EPHA7: variants seen among roughly 807,000 people sequenced by gnomAD.
EPHA7 encodes ephrin type-A receptor 7.
Under a neutral mutation model 112.6 loss-of-function variants are expected in EPHA7, and 25 were observed. The observed-to-expected ratio is 0.22, with a 90% CI of 0.16 to 0.31. EPHA7 has a LOEUF of 0.31. EPHA7 is among the 10% of genes least tolerant of loss of function. The pLI is 1.00. For missense variants in EPHA7, 962 were observed against 1,212.6 expected (o/e 0.79, Z 3.07); for synonymous variants, 437 against 406.5 (o/e 1.07, Z -0.90).
intron 5 of EPHA7, among the ~76,000 whole-genome samples, chr6:93,273,203 T>C (rs1771312620): frequency 6.6e-6 from 1 of 151,968 alleles, no homozygotes; most frequent in African/African-American, 2.4e-5. Context: ...GGTAGCTAAG[T>C]CTGTGGAATG....
intron 5 of EPHA7, among the ~76,000 whole-genome samples, chr6:93,323,444 C>T (rs907960769): frequency 2.6e-5 from 4 of 151,384 alleles, no homozygotes; most frequent in Non-Finnish European, 5.9e-5. Context: ...AATAATGATA[C>T]CAAATATACA....
chr6:93,258,422 T>G (rs887790730), intron 10 of EPHA7, 138 bp from the exon 11 acceptor site: 1 of 934,074 alleles, frequency 1.1e-6, no homozygotes, highest in Non-Finnish European at 1.6e-6. Context: ...CAAAAATACT[T>G]GGTAAAGCCC....
chr6:93,272,201 C>A, intron 6 of EPHA7, 97 bp downstream of exon 6: 1 of 1,407,514 alleles, frequency 7.1e-7, no homozygotes. Flanking sequence ...GAAGTAGCTC[C>A]AAATTGTTGG....
At chr6:93,341,930 GCATA>G (rs1165299394) in intron 5 of EPHA7, among the ~76,000 whole-genome samples, 1 of 151,572 alleles carries the variant, frequency 6.6e-6, no homozygotes, top group Non-Finnish European at 1.5e-5. Context: ...AAATTCATAG[GCATA>G]CTTTCAAGAT....
intron 3 of EPHA7, among the ~76,000 whole-genome samples, chr6:93,392,337 T>G (rs1434426182): frequency 6.6e-6 from 1 of 151,924 alleles, no homozygotes; most frequent in Non-Finnish European, 1.5e-5. Context: ...GATGGTTACC[T>G]TTTCAGTTGT....
rs139612242 is a variant in EPHA7 at position 93,408,363 on chromosome 6, C to T, written c.832+2138G>A. Among the ~76,000 whole-genome samples the T allele has an allele frequency of 2.5e-3, 373 of 152,168 alleles. 1 individual carries two copies. The highest frequency in any genetic ancestry group is 8.5e-3 in the African/African-American group (353 of 41,536). On this transcript the variant is annotated intron_variant, in intron 3 of 16. Transcript: ENST00000369303. ...ACTGTTAACCTCCTGTCAACAGGAA[C>T]GCTGCCTTTCATTGAATTGATTAGT...
intron 5 of EPHA7, among the ~76,000 whole-genome samples, chr6:93,311,795 T>A (rs1773555193): frequency 1.3e-5 from 2 of 152,216 alleles, no homozygotes; most frequent in South Asian, 2.1e-4. Flanking sequence ...TTAGGAAATG[T>A]ATTTATTAAA....
intron 10 of EPHA7, among the ~76,000 whole-genome samples, 192 bp downstream of exon 10, chr6:93,259,160 CTT>C (rs1476900564): frequency 6.6e-6 from 1 of 151,952 alleles, no homozygotes; most frequent in Non-Finnish European, 1.5e-5. Context: ...TATATGGATT[CTT>C]TGTGCCACAT....
chr6:93,251,597 T>C (rs1275019031), intron 14 of EPHA7, among the ~76,000 whole-genome samples: 1 of 141,388 alleles, frequency 7.1e-6, no homozygotes, highest in East Asian at 2.1e-4. Context: ...AAAATACTAA[T>C]GTAAGAAAAA....
chr6:93,327,631 A>C (rs527689143), intron 5 of EPHA7, among the ~76,000 whole-genome samples: 3 of 151,418 alleles, frequency 2.0e-5, no homozygotes, highest in African/African-American at 7.3e-5. Flanking sequence ...TAAAATACTC[A>C]AGGCTTCCCT....
chr6:93,395,575 TCACACACACA>T lies in EPHA7; in HGVS notation c.832+14916_832+14925del, dbSNP rs4053540. 2.7e-3 allele frequency among the ~76,000 whole-genome samples: 393 copies of T among 145,526 alleles called. 1 individual carries two copies. Among genetic ancestry groups the T allele is most frequent in the Middle Eastern group, 0.018 (5 of 282 alleles). On this transcript the variant is annotated intron_variant, in intron 3 of 16. Coordinates refer to ENST00000369303, the MANE Select transcript of EPHA7 (RefSeq NM_004440.4). ...GGATAAGGATATATCTTTACTTATT[TCACACACACA>T]CACACACACACACACACACACACAC...
At chr6:93,357,138 G>A in intron 4 of EPHA7, 86 bp from the exon 5 acceptor site, 2 of 1,064,082 alleles carry the variant, frequency 1.9e-6, no homozygotes, top group Non-Finnish European at 2.6e-6. Flanking sequence ...TCTGTGTGGG[G>A]CATTAAGCTA....
chr6:93,260,575 G>A (rs1216527484), intron 9 of EPHA7: 1 of 960,364 alleles, frequency 1.0e-6, no homozygotes, highest in Non-Finnish European at 1.2e-6. Context: ...ATATTACACT[G>A]CAGCCTAACT....
intron 5 of EPHA7, among the ~76,000 whole-genome samples, chr6:93,337,689 T>G (rs955152919): frequency 1.3e-5 from 2 of 152,132 alleles, no homozygotes; most frequent in African/African-American, 4.8e-5. Context: ...CAGACAAGCC[T>G]GTTGTTCTCA....
chr6:93,321,483 A>G (rs1434597417), intron 5 of EPHA7, among the ~76,000 whole-genome samples: 1 of 151,914 alleles, frequency 6.6e-6, no homozygotes, highest in Non-Finnish European at 1.5e-5. Context: ...GAGCTCACTA[A>G]TTAGTGCTCT....
At position 93,269,652 on chromosome 6, in the gene EPHA7, C is replaced by T. The variant is rs1178361521; in HGVS notation, c.1458G>A (p.Arg486=). 2.6e-6 allele frequency: 4 copies of T among 1,521,692 alleles called. No homozygotes were observed. The highest frequency in any genetic ancestry group is 1.4e-5 in the African/African-American group (1 of 69,830). 94.3% of individuals were successfully genotyped at this position (1,521,692 alleles called of 1,614,324 possible). A position where few individuals can be genotyped will look rare whatever the true frequency, so the allele number is the denominator to read the frequency against. Residue 486 remains arginine (R), a synonymous_variant, in exon 7 of 17, where the codon AGG becomes AGA. Transcript: ENST00000369303. ...TTTTTACTGTTGAGTAGGTCCGTTC[C>T]CTTTGATCCTAGAAACAATATTTAG... is the stretch of plus-strand genomic sequence containing the variant. ...YEIKYYEKDQ[R]ERTYSTVKTK...
chr6:93,408,978 TCTTTTTTTTTTC>T (rs1038800603), intron 3 of EPHA7, among the ~76,000 whole-genome samples: 7 of 37,952 alleles, frequency 1.8e-4, no homozygotes, highest in African/African-American at 8.4e-4. Flanking sequence ...TACTTTTTTT[TCTTTTTTTTTTC>T]TTGCAGTACA....
intron 3 of EPHA7, among the ~76,000 whole-genome samples, chr6:93,380,973 C>A (rs990183557): frequency 6.6e-6 from 1 of 152,112 alleles, no homozygotes; most frequent in Non-Finnish European, 1.5e-5. Flanking sequence ...GCTCTGCAGA[C>A]GGTGACTGCC....
intron 5 of EPHA7, among the ~76,000 whole-genome samples, chr6:93,297,284 T>G (rs1023248100): frequency 6.6e-6 from 1 of 152,050 alleles, no homozygotes; most frequent in Non-Finnish European, 1.5e-5. Context: ...TCACCAAACT[T>G]GTAACATTAA....
Sources: allele counts gnomAD v4.1 joint callset (sites outside exome capture counted in the v4.1 genomes callset), GRCh38; gene constraint gnomAD v4.1.1; transcripts MANE v1.5; gene names NCBI Gene and HGNC (gene_info 2026-07-23, HGNC 2026-07-21).